EPS15: variants seen among roughly 807,000 people sequenced by gnomAD.
The protein encoded by EPS15 is epidermal growth factor receptor pathway substrate 15.
A neutral mutation model predicts 113.8 loss-of-function variants in EPS15; 72 were observed. The observed-to-expected ratio is 0.63, with a 90% CI of 0.52 to 0.77. The LOEUF (loss-of-function observed/expected upper bound fraction) is 0.77, where lower values mean the gene tolerates loss of function less well. EPS15 is among the 30% of genes least tolerant of loss of function. The probability of loss-of-function intolerance (pLI) is 0.00; values close to 1 mark genes in which losing one functional copy is unlikely to be tolerated. For synonymous variants in EPS15, 344 were observed against 363.4 expected (o/e 0.95, Z 0.61); for missense variants, 1,048 against 1,045.8 (o/e 1.00, Z -0.03).
At chr1:51,429,285 T>G (rs1304663966) in intron 12 of EPS15, among the ~76,000 whole-genome samples, 1 of 151,984 alleles carries the variant, frequency 6.6e-6, no homozygotes, top group Non-Finnish European at 1.5e-5. Flanking sequence ...ACAATTACTG[T>G]GAATGTATTT....
At chr1:51,475,117 C>A (rs374760261) in intron 2 of EPS15, among the ~76,000 whole-genome samples, 4 of 152,048 alleles carry the variant, frequency 2.6e-5, no homozygotes, top group Non-Finnish European at 5.9e-5. Context: ...GTCTTTGCTA[C>A]TGTGAATAGT....
chr1:51,389,607 C>A (rs1647201175), intron 21 of EPS15, among the ~76,000 whole-genome samples: 1 of 152,246 alleles, frequency 6.6e-6, no homozygotes, highest in African/African-American at 2.4e-5. Context: ...AGCTGATAAG[C>A]AACTTCAGCA....
At chr1:51,381,696 T>G (rs1646945859) in intron 21 of EPS15, among the ~76,000 whole-genome samples, 1 of 152,018 alleles carries the variant, frequency 6.6e-6, no homozygotes, top group Non-Finnish European at 1.5e-5. Flanking sequence ...AGGTGGAAAT[T>G]AAATATCACG....
rs12121478 is a variant in EPS15, at chr1:51,356,823, G to A, written c.2568C>T (p.Ile856=). The A allele has an allele frequency of 4.6e-5, 74 of 1,612,914 alleles. No individual in the cohort carries two copies. The highest frequency in any genetic ancestry group is 5.9e-5 in the Non-Finnish European group (70 of 1,179,570). ...FSAYPSEEDM[I]EWAKRESERE... ...TCTCACTTTCCCTCTTGGCCCATTC[G>A]ATCATATCTTCTTCAGAGGGATACT... The change falls in exon 25 of 25, where the codon ATC becomes ATT. Residue 856 remains isoleucine, a synonymous_variant. Transcript: ENST00000371733.
intron 24 of EPS15, among the ~76,000 whole-genome samples, chr1:51,357,193 C>T (rs1189237544): frequency 6.6e-6 from 1 of 150,914 alleles, no homozygotes; most frequent in Non-Finnish European, 1.5e-5. Flanking sequence ...GCTTGGCCAA[C>T]ATGGCAAAAC....
chr1:51,415,378 A>G (rs1650108689), intron 13 of EPS15, among the ~76,000 whole-genome samples: 1 of 152,226 alleles, frequency 6.6e-6, no homozygotes, highest in Non-Finnish European at 1.5e-5. Flanking sequence ...TACAGGACTT[A>G]AAGGAAAGGT....
chr1:51,434,522 A>G (rs1423246362), intron 12 of EPS15, among the ~76,000 whole-genome samples: 1 of 152,212 alleles, frequency 6.6e-6, no homozygotes, highest in Admixed American at 6.5e-5. Flanking sequence ...AAAGTATAAT[A>G]GAATGGTGGC....
rs186966112 is a variant in EPS15, at chr1:51,428,703, T to G, written c.1041-6845A>C. 4.1e-3 allele frequency among the ~76,000 whole-genome samples: 617 copies of G among 151,888 alleles called. 6 individuals carry two copies. The highest frequency in any genetic ancestry group is 0.015 in the African/African-American group (601 of 41,410). Reference sequence around the variant, plus strand: ...TTAGCTGGGTGTGGTGGCAGGCGCCTGTAATCCCAGCTACTTGGGAGGCTG... The same window carrying G: ...TTAGCTGGGTGTGGTGGCAGGCGCCGGTAATCCCAGCTACTTGGGAGGCTG... On this transcript the variant is annotated intron_variant, in intron 12 of 24. Transcript: ENST00000371733.
At chr1:51,436,825 T>C (rs931916416) in intron 12 of EPS15, among the ~76,000 whole-genome samples, 1 of 152,002 alleles carries the variant, frequency 6.6e-6, no homozygotes, top group Non-Finnish European at 1.5e-5. Flanking sequence ...GGGTGAATGG[T>C]GATGTCACTG....
At chr1:51,392,295 G>A (rs911788664) in intron 21 of EPS15, among the ~76,000 whole-genome samples, 2 of 152,138 alleles carry the variant, frequency 1.3e-5, no homozygotes, top group Non-Finnish European at 2.9e-5. Context: ...ATAATCTAAC[G>A]TAGTTGTTGT....
At chr1:51,500,343 G>A (rs146003973) in intron 1 of EPS15, among the ~76,000 whole-genome samples, 10 of 152,190 alleles carry the variant, frequency 6.6e-5, no homozygotes, top group East Asian at 3.9e-4. Flanking sequence ...GTGATTATGC[G>A]GTAATTCAAT....
At chr1:51,507,825 T>G (rs1189643276) in intron 1 of EPS15, among the ~76,000 whole-genome samples, 2 of 152,132 alleles carry the variant, frequency 1.3e-5, no homozygotes, top group Non-Finnish European at 2.9e-5. Context: ...TGATCTATCT[T>G]CTACTTTTCG....
At chr1:51,406,466 C>T (rs1385592776) in intron 15 of EPS15, among the ~76,000 whole-genome samples, 1 of 151,954 alleles carries the variant, frequency 6.6e-6, no homozygotes, top group African/African-American at 2.4e-5. Context: ...GAGACCCTGT[C>T]TCAAAAAAAT....
chr1:51,385,124 C>T (rs1361759272), intron 21 of EPS15, among the ~76,000 whole-genome samples: 1 of 152,066 alleles, frequency 6.6e-6, no homozygotes. Flanking sequence ...CACCAACGGA[C>T]AGTACTAACA....
chr1:51,448,013 G>A, intron 9 of EPS15, 33 bp downstream of exon 9: 1 of 1,606,074 alleles, frequency 6.2e-7, no homozygotes, highest in South Asian at 1.1e-5. Flanking sequence ...ATGCTGAAGA[G>A]GGGATCAACC....
intron 2 of EPS15, among the ~76,000 whole-genome samples, chr1:51,477,220 G>A (rs997798460): frequency 7.2e-5 from 11 of 152,260 alleles, no homozygotes; most frequent in African/African-American, 2.6e-4. Context: ...ATTTCTTCTA[G>A]ATTTTCTAGT....
intron 21 of EPS15, among the ~76,000 whole-genome samples, chr1:51,370,061 A>G (rs548953893): frequency 6.6e-6 from 1 of 152,352 alleles, no homozygotes; most frequent in East Asian, 1.9e-4. Flanking sequence ...AGAAATCTTG[A>G]CATATGCCAC....
intron 13 of EPS15, among the ~76,000 whole-genome samples, chr1:51,415,014 T>C (rs770174923): frequency 1.3e-5 from 2 of 152,156 alleles, no homozygotes; most frequent in Admixed American, 6.5e-5. Context: ...AATGTCAAGT[T>C]TGCTGTTTTT....
intron 12 of EPS15, among the ~76,000 whole-genome samples, chr1:51,428,249 G>A (rs926253292): frequency 3.9e-5 from 6 of 152,112 alleles, no homozygotes; most frequent in African/African-American, 7.2e-5. Flanking sequence ...GCTAAAGGGA[G>A]TCCTTCAGGT....
Sources: allele counts gnomAD v4.1 joint callset (sites outside exome capture counted in the v4.1 genomes callset), GRCh38; gene constraint gnomAD v4.1.1; transcripts MANE v1.5; gene names NCBI Gene and HGNC (gene_info 2026-07-23, HGNC 2026-07-21).